NELL1: variants seen among roughly 807,000 people sequenced by gnomAD.
NELL1 encodes the protein neural EGFL like 1, also known as protein kinase C-binding protein NELL1.
In NELL1, 76 loss-of-function variants were observed where a neutral mutation model predicts 107.4. The ratio of observed to expected loss-of-function variants is 0.71; its 90% CI spans 0.59 to 0.86. The LOEUF (loss-of-function observed/expected upper bound fraction) is 0.86, where lower values mean the gene tolerates loss of function less well. Ranked by LOEUF, NELL1 falls within the 40% of genes least tolerant of loss-of-function variation. The pLI, the probability that NELL1 is intolerant of heterozygous loss-of-function variation, is 0.00. For synonymous variants in NELL1, 353 were observed against 341.2 expected (o/e 1.03, Z -0.38); for missense variants, 1,024 against 1,005.5 (o/e 1.02, Z -0.25).
chr11:21,360,556 C>G (rs567726055), intron 14 of NELL1, among the ~76,000 whole-genome samples: 2 of 152,190 alleles, frequency 1.3e-5, no homozygotes, highest in South Asian at 4.1e-4. Context: ...GACTTTCCAT[C>G]TTGATAATCT....
chr11:21,550,941 A>G (rs957417079), intron 16 of NELL1, among the ~76,000 whole-genome samples: 1 of 151,340 alleles, frequency 6.6e-6, no homozygotes, highest in Non-Finnish European at 1.5e-5. Context: ...CAGTATGGCC[A>G]TTTTCACGAT....
At chr11:21,292,381 G>A (rs1475001829) in intron 14 of NELL1, among the ~76,000 whole-genome samples, 1 of 152,056 alleles carries the variant, frequency 6.6e-6, no homozygotes, top group East Asian at 1.9e-4. Context: ...GGGATGTGAA[G>A]GACCTCTTCC....
intron 15 of NELL1, among the ~76,000 whole-genome samples, chr11:21,501,501 A>C (rs1855141030): frequency 6.6e-6 from 1 of 150,948 alleles, no homozygotes; most frequent in Non-Finnish European, 1.5e-5. Context: ...TCTCATCTGC[A>C]TGTCCTATGC....
chr11:20,776,325 G>A (rs923907259), intron 2 of NELL1, among the ~76,000 whole-genome samples: 4 of 152,034 alleles, frequency 2.6e-5, no homozygotes, highest in Non-Finnish European at 5.9e-5. Flanking sequence ...TGTAGTCCCA[G>A]CTACTTGGGA....
chr11:21,130,920 G>A (rs1034382200), intron 13 of NELL1, among the ~76,000 whole-genome samples: 4 of 69,538 alleles, frequency 5.8e-5, no homozygotes, highest in African/African-American at 2.7e-4. Context: ...TGAGCAACAG[G>A]TAATAGACTG....
intron 4 of NELL1, among the ~76,000 whole-genome samples, chr11:20,848,924 A>G (rs534275087): frequency 1.1e-4 from 17 of 152,330 alleles, no homozygotes; most frequent in African/African-American, 4.1e-4. Context: ...CTTCTGAAGA[A>G]TTGTGGTTTC....
rs1555007312 is a variant in NELL1 at position 21,342,412 on chromosome 11, G to GGC, written c.1550-28440_1550-28439insCG. On this transcript the variant is annotated intron_variant, in intron 14 of 19. Coordinates refer to ENST00000357134, the MANE Select transcript of NELL1 (RefSeq NM_006157.5). The stretch of plus-strand genomic sequence containing the variant: ...TCCCAGTGCTTTGAGAGGCTTAAGT[G>GGC]GGGGGGGGGGTCACTTGAGGCCAGG... 7.6e-3 allele frequency among the ~76,000 whole-genome samples: 418 copies of GGC among 55,364 alleles called. 6 individuals carry two copies. Among genetic ancestry groups the GGC allele is most frequent in the South Asian group, 0.017 (28 of 1,682 alleles). The allele number at this position is 55,364 out of a possible 152,430, so 36.3% of individuals were successfully genotyped here.
At chr11:21,124,442 A>G (rs372176682) in intron 13 of NELL1, among the ~76,000 whole-genome samples, 3 of 152,158 alleles carry the variant, frequency 2.0e-5, no homozygotes, top group African/African-American at 4.8e-5. Context: ...GCCACTTGCA[A>G]TTATGGTGCT....
intron 13 of NELL1, among the ~76,000 whole-genome samples, chr11:21,156,219 A>C (rs1160255093): frequency 6.6e-6 from 1 of 152,196 alleles, no homozygotes. Context: ...AGAAGGAAGG[A>C]AATTTTTTTT....
chr11:21,302,508 A>G (rs1049814375), intron 14 of NELL1, among the ~76,000 whole-genome samples: 1 of 152,016 alleles, frequency 6.6e-6, no homozygotes, highest in Non-Finnish European at 1.5e-5. Flanking sequence ...ATTAAACTTA[A>G]AAAAGAATCT....
intron 5 of NELL1, among the ~76,000 whole-genome samples, chr11:20,889,677 C>T (rs1266589678): frequency 3.3e-5 from 5 of 152,032 alleles, no homozygotes; most frequent in Non-Finnish European, 5.9e-5. Flanking sequence ...CCAAAATATC[C>T]GGGTTCTGTC....
intron 3 of NELL1, among the ~76,000 whole-genome samples, chr11:20,821,330 A>G (rs955703299): frequency 6.6e-6 from 1 of 152,140 alleles, no homozygotes; most frequent in African/African-American, 2.4e-5. Context: ...AGAGTTTACC[A>G]CTGAGCAGCT....
chr11:21,506,507 AT>A (rs1489293421), intron 15 of NELL1, among the ~76,000 whole-genome samples: 1 of 152,194 alleles, frequency 6.6e-6, no homozygotes, highest in Non-Finnish European at 1.5e-5. Context: ...CTGGAATAAA[AT>A]GGCCTTCATT....
At chr11:21,241,398 T>G (rs892407160) in intron 14 of NELL1, among the ~76,000 whole-genome samples, 10 of 152,120 alleles carry the variant, frequency 6.6e-5, no homozygotes, top group Admixed American at 5.2e-4. Context: ...CTCACCTGGT[T>G]GGGTGCCATA....
chr11:21,180,668 AT>A (rs1856808141), intron 13 of NELL1, among the ~76,000 whole-genome samples: 2 of 151,512 alleles, frequency 1.3e-5, no homozygotes, highest in Admixed American at 1.3e-4. Context: ...CTTTCTCTAC[AT>A]TTTATCATAG....
At chr11:20,999,721 C>CAAA (rs5790153) in intron 12 of NELL1, among the ~76,000 whole-genome samples, 22 of 138,354 alleles carry the variant, frequency 1.6e-4, no homozygotes, top group African/African-American at 5.6e-4. Flanking sequence ...GGTACCCTTG[C>CAAA]AAAAAAAAAA....
At chr11:20,697,573 C>A (rs1792988) in intron 2 of NELL1, among the ~76,000 whole-genome samples, 152,197 of 152,198 alleles carry the variant, frequency 1, 76,098 homozygotes, top group Middle Eastern at 1. Context: ...ACCTGTTTGC[C>A]TTCTAGGCTT....
chr11:21,310,464 A>T (rs1321629622), intron 14 of NELL1, among the ~76,000 whole-genome samples: 10 of 152,014 alleles, frequency 6.6e-5, no homozygotes, highest in Non-Finnish European at 1.3e-4. Flanking sequence ...TCCTCCTAAT[A>T]TTGGTAATCT....
intron 15 of NELL1, among the ~76,000 whole-genome samples, chr11:21,512,629 T>C (rs1855466375): frequency 6.6e-6 from 1 of 152,154 alleles, no homozygotes; most frequent in Non-Finnish European, 1.5e-5. Flanking sequence ...ATTCACCTAC[T>C]ACAAATAGTA....
Sources: gnomAD v4.1 joint callset for allele counts (sites outside exome capture counted in the v4.1 genomes callset) on GRCh38, gnomAD v4.1.1 for gene constraint, MANE v1.5 for transcripts, NCBI Gene and HGNC (gene_info 2026-07-23, HGNC 2026-07-21) for gene names.